Variants in EMG1 observed in about 807,000 individuals in gnomAD.
EMG1 encodes the protein ribosomal RNA small subunit methyltransferase NEP1.
In EMG1, 24 loss-of-function variants were observed where a neutral mutation model predicts 26.9. That is an observed-to-expected ratio of 0.89 (90% CI 0.65 to 1.26). The LOEUF (loss-of-function observed/expected upper bound fraction) is 1.26. Ranked by LOEUF, EMG1 falls within the 50% of genes most tolerant of loss-of-function variation. The probability of loss-of-function intolerance (pLI) is 0.00; values close to 1 mark genes in which losing one functional copy is unlikely to be tolerated. For synonymous variants in EMG1, 140 were observed against 112.6 expected (o/e 1.24, Z -1.54); for missense variants, 299 against 307.6 (o/e 0.97, Z 0.21).
chr12:6,992,448 C>T (rs57438850), downstream of EMG1, among the ~76,000 whole-genome samples: 26,295 of 152,130 alleles, frequency 0.17, 3,903 homozygotes, highest in African/African-American at 0.4. Context: ...TTGGTGTCAC[C>T]GTCCTGATTT....
chr12:6,977,951 C>G lies in EMG1; in HGVS notation c.*2142C>G. ...GGCGGAGCTGGAGACCGTGTGCGCA[C>G]GAGCCACTTGGTTCAGCAGCAGTGA... On this transcript the variant is annotated 3_prime_UTR_variant, in exon 6 of 6. Transcript: ENST00000599672. The surrounding 1 kb of genome is among the most constrained non-coding windows in gnomAD (Gnocchi z 4.5). 2 of 603,072 alleles carry G rather than the reference C, an allele frequency of 3.3e-6. No homozygotes were observed. The highest frequency in any genetic ancestry group is 3.9e-5 in the South Asian group (2 of 50,836). 37.4% of individuals were successfully genotyped at this position (603,072 alleles called of 1,614,324 possible).
At position 6,975,580 on chromosome 12, in the gene EMG1, T is replaced by C. The variant is rs772885641; in HGVS notation, c.622-116T>C. 1.1e-3 allele frequency: 1,056 copies of C among 979,116 alleles called. 1 individual carries two copies. The highest frequency in any genetic ancestry group is 1.6e-3 in the Non-Finnish European group (967 of 607,518). The allele number at this position is 979,116 out of a possible 1,614,324, so 60.7% of individuals were successfully genotyped here. A position where few individuals can be genotyped will look rare whatever the true frequency, so the allele number is the denominator to read the frequency against. ...GACCTTCTTCATCCTTTGTAGGGAT[T>C]TGATATTCAACAGCACAGCTGAAAT... On this transcript the variant is annotated intron_variant, in intron 5 of 5. Coordinates refer to ENST00000599672, the MANE Select transcript of EMG1 (RefSeq NM_006331.8).
chr12:6,977,297 T>G lies in EMG1; in HGVS notation c.*1488T>G. The G allele has an allele frequency of 6.2e-7, 1 of 1,611,322 alleles. No individual in the cohort carries two copies. Among genetic ancestry groups the G allele is most frequent in the Non-Finnish European group, 8.5e-7 (1 of 1,177,486 alleles). ...GAGAGGCCACTAAGGTAGACAGGCC[T>G]GGAGTGTCCTTTGCAACCTTTGAGG... On this transcript the variant is annotated 3_prime_UTR_variant, in exon 6 of 6. Coordinates refer to ENST00000599672, the MANE Select transcript of EMG1 (RefSeq NM_006331.8). This position sits in a 1 kb window ranked among gnomAD's most constrained non-coding sequence, Gnocchi z 4.5.
chr12:6,982,119 T>C (rs185707969), downstream of EMG1, among the ~76,000 whole-genome samples: 1 of 152,214 alleles, frequency 6.6e-6, no homozygotes, highest in East Asian at 1.9e-4. Flanking sequence ...AGAATTTAGA[T>C]GCTGGGACCA....
downstream of EMG1, chr12:6,981,730 G>A: frequency 3.1e-6 from 4 of 1,297,200 alleles, no homozygotes; most frequent in Non-Finnish European, 3.4e-6. Flanking sequence ...GCGGGGGGCG[G>A]AGGGGGGGTG....
intron 1 of EMG1, among the ~76,000 whole-genome samples, chr12:6,972,944 C>A (rs781968743): frequency 5.1e-4 from 77 of 151,888 alleles, no homozygotes; most frequent in African/African-American, 1.9e-3. Context: ...CTCAAGCAGT[C>A]CTCCCACCTC....
At chr12:6,991,823 T>C (rs782126471), downstream of EMG1, among the ~76,000 whole-genome samples, 1 of 152,156 alleles carries the variant, frequency 6.6e-6, no homozygotes, top group Non-Finnish European at 1.5e-5. Context: ...ATGCTTTTCC[T>C]TGTGACAACC....
intron 1 of EMG1, 68 bp from the exon 2 acceptor site, chr12:6,974,271 C>G: frequency 8.2e-7 from 1 of 1,214,386 alleles, no homozygotes; most frequent in Non-Finnish European, 1.2e-6. Context: ...GGGGACCACA[C>G]TTGAAGAACC....
At chr12:6,989,648 C>T (rs782115722), downstream of EMG1, among the ~76,000 whole-genome samples, 28 of 152,222 alleles carry the variant, frequency 1.8e-4, no homozygotes, top group African/African-American at 6.7e-4. Flanking sequence ...TTTGTACAAG[C>T]CCTCTTCAGG....
chr12:6,996,267 T>C (rs1278690170), intron 7 of EMG1, among the ~76,000 whole-genome samples: 4 of 152,200 alleles, frequency 2.6e-5, no homozygotes, highest in Non-Finnish European at 5.9e-5. Context: ...ACAGATAAGC[T>C]CAAATCCTTC....
chr12:6,986,051 A>G (rs1258509632), intron 6 of EMG1, among the ~76,000 whole-genome samples: 1 of 151,836 alleles, frequency 6.6e-6, no homozygotes, highest in East Asian at 1.9e-4. Context: ...CTAGGATTAC[A>G]GGCGTGAGCC....
chr12:6,994,062 C>T (rs1555155810), intron 7 of EMG1, among the ~76,000 whole-genome samples: 1 of 152,220 alleles, frequency 6.6e-6, no homozygotes, highest in African/African-American at 2.4e-5. Context: ...GTCTTGAACT[C>T]CTGGCCTCAA....
At chr12:6,995,187 T>C (rs1946626354) in intron 7 of EMG1, among the ~76,000 whole-genome samples, 1 of 151,978 alleles carries the variant, frequency 6.6e-6, no homozygotes, top group Admixed American at 6.6e-5. Flanking sequence ...AAAAGTGTGT[T>C]TTCCTGCCAG....
At chr12:6,971,850 G>T (rs1946333602) in intron 1 of EMG1, among the ~76,000 whole-genome samples, 1 of 152,136 alleles carries the variant, frequency 6.6e-6, no homozygotes, top group African/African-American at 2.4e-5. Context: ...ACACTGTCCA[G>T]ACCTGGTTAT....
chr12:6,983,286 C>A, downstream of EMG1: 1 of 644,270 alleles, frequency 1.6e-6, no homozygotes, highest in South Asian at 1.9e-5. Flanking sequence ...AAAAGTTAAG[C>A]TGTGTTCCTC....
Position 6,978,269 on chromosome 12 carries a change from ACC to A in EMG1, c.*2463_*2464del. On this transcript the variant is annotated 3_prime_UTR_variant, in exon 6 of 6. Coordinates refer to ENST00000599672, the MANE Select transcript of EMG1 (RefSeq NM_006331.8). ...AAGACGCATAGGGGTGACATGGTAC[ACC>A]CCTGCCCTCCAATCTGGGAAGACAG... is the stretch of plus-strand genomic sequence containing the variant. 2.6e-6 allele frequency: 4 copies of A among 1,518,668 alleles called. No homozygotes were observed. The highest frequency in any genetic ancestry group is 2.7e-6 in the Non-Finnish European group (3 of 1,125,322). 94.1% of individuals were successfully genotyped at this position (1,518,668 alleles called of 1,614,324 possible).
intron 6 of EMG1, among the ~76,000 whole-genome samples, chr12:6,985,994 C>T (rs1171976509): frequency 2.0e-5 from 3 of 152,038 alleles, no homozygotes; most frequent in Non-Finnish European, 2.9e-5. Context: ...AGGCTGGTCT[C>T]GAACTCCTGA....
chr12:6,994,313 TTCTCCTGTCTCAG>T (rs1555155835), intron 7 of EMG1, among the ~76,000 whole-genome samples: 6 of 152,276 alleles, frequency 3.9e-5, no homozygotes, highest in Admixed American at 3.9e-4. Flanking sequence ...GTTCAAGTGA[TTCTCCTGTCTCAG>T]CCTCCCGAGT....
At position 6,977,817 on chromosome 12, in the gene EMG1, CT is replaced by C; in HGVS notation, c.*2009del. 1 of 1,564,510 alleles carries C rather than the reference CT, an allele frequency of 6.4e-7. No homozygotes were observed. The highest frequency in any genetic ancestry group is 2.2e-5 in the East Asian group (1 of 44,684). ...GCATCCCGCCACCTGCCTCTGGGTC[CT>C]CACCCTGAGGATTGGATTGGAGTGC... On this transcript the variant is annotated 3_prime_UTR_variant, in exon 6 of 6. Transcript: ENST00000599672. This position sits in a 1 kb window ranked among gnomAD's most constrained non-coding sequence, Gnocchi z 4.5.
Sources: gnomAD v4.1 joint callset for allele counts (sites outside exome capture counted in the v4.1 genomes callset) on GRCh38, gnomAD v4.1.1 for gene constraint, Gnocchi (gnomAD v3.1) non-coding constraint, MANE v1.5 for transcripts, NCBI Gene and HGNC (gene_info 2026-07-23, HGNC 2026-07-21) for gene names.